Variants in RBFOX1 observed in about 807,000 individuals in gnomAD.
The protein encoded by RBFOX1 is RNA binding fox-1 homolog 1.
Under a neutral mutation model 57.7 loss-of-function variants are expected in RBFOX1, and 8 were observed. The ratio of observed to expected loss-of-function variants is 0.14; its 90% CI spans 0.08 to 0.25. The LOEUF (loss-of-function observed/expected upper bound fraction) is 0.25, where lower values mean the gene tolerates loss of function less well. Among genes scored for constraint, RBFOX1 ranks in the 10% least tolerant of loss-of-function variants. RBFOX1 has a pLI of 1.00. For missense variants in RBFOX1, 611 were observed against 548.5 expected, an observed-to-expected ratio of 1.11 and a Z score of -1.14; for synonymous variants, 326 against 222.4, an observed-to-expected ratio of 1.47 and a Z score of -4.15.
intron 1 of RBFOX1, among the ~76,000 whole-genome samples, chr16:6,215,749 T>C (rs1391729727): frequency 6.6e-6 from 1 of 152,124 alleles, no homozygotes; most frequent in Non-Finnish European, 1.5e-5. Context: ...TGCACACAGC[T>C]CTTCGAAAGC....
intron 4 of RBFOX1, among the ~76,000 whole-genome samples, chr16:7,389,470 C>T (rs989160687): frequency 3.9e-5 from 6 of 152,144 alleles, no homozygotes; most frequent in Non-Finnish European, 5.9e-5. Context: ...GTGCTTGCTT[C>T]CCCTGAAGCC....
rs534219419 is a variant in RBFOX1, at chr16:5,816,798, T to G, written c.319-50505T>G. Among the ~76,000 whole-genome samples, 10 of 152,232 alleles carry G rather than the reference T, an allele frequency of 6.6e-5. No individual in the cohort carries two copies. The South Asian group carries it at 1.7e-3, about 25-fold the overall frequency. On this transcript the variant is annotated intron_variant, in intron 3 of 19. Coordinates refer to the RBFOX1 transcript ENST00000641259. Reference sequence around the variant, plus strand: ...CCCCTGTCTCAAAAAAGAAATTATATAGCCCTAGATCTAGGCTGAAAAAGA... The same window carrying G: ...CCCCTGTCTCAAAAAAGAAATTATAGAGCCCTAGATCTAGGCTGAAAAAGA...
intron 3 of RBFOX1, among the ~76,000 whole-genome samples, chr16:6,886,225 C>G (rs1026631344): frequency 6.6e-6 from 1 of 151,890 alleles, no homozygotes; most frequent in Non-Finnish European, 1.5e-5. Context: ...CCACGCTTAG[C>G]TAATTTTTGT....
At chr16:6,128,649 A>G (rs2096607245) in intron 1 of RBFOX1, among the ~76,000 whole-genome samples, 1 of 152,214 alleles carries the variant, frequency 6.6e-6, no homozygotes, top group Admixed American at 6.5e-5. Flanking sequence ...AAAGAGGAAT[A>G]TGTGCAGGGG....
chr16:6,228,768 T>C lies in RBFOX1; in HGVS notation c.-126-88227T>C, dbSNP rs1025561528. ...AGAAATCATAGTTAGTACCAATGTA[T>C]GGTGCTCTTGAAAATCACCGAGTAG... is the stretch of plus-strand genomic sequence containing the variant. On this transcript the variant is annotated intron_variant, in intron 1 of 15. Transcript: ENST00000550418. 3.3e-5 allele frequency among the ~76,000 whole-genome samples: 5 copies of C among 152,168 alleles called. No homozygotes were observed. In the East Asian group the frequency reaches 9.6e-4, roughly 29 times the overall value.
chr16:6,354,451 C>T (rs572164589), intron 2 of RBFOX1, among the ~76,000 whole-genome samples: 2 of 152,226 alleles, frequency 1.3e-5, no homozygotes, highest in East Asian at 3.9e-4. Flanking sequence ...GCAGCGAAAC[C>T]AGTGTTCCAA....
intron 2 of RBFOX1, among the ~76,000 whole-genome samples, chr16:6,533,812 A>G (rs545148726): frequency 9.2e-5 from 14 of 152,312 alleles, no homozygotes; most frequent in African/African-American, 2.9e-4. Flanking sequence ...TTGAAAACTG[A>G]GCATGGTCAA....
intron 4 of RBFOX1, among the ~76,000 whole-genome samples, chr16:7,418,087 C>A (rs374878296): frequency 6.6e-6 from 1 of 152,100 alleles, no homozygotes; most frequent in African/African-American, 2.4e-5. Flanking sequence ...ACTCTCTGCC[C>A]AACCCTCCAT....
intron 4 of RBFOX1, among the ~76,000 whole-genome samples, chr16:7,246,682 T>A (rs1197141421): frequency 6.8e-6 from 1 of 145,988 alleles, no homozygotes; most frequent in Non-Finnish European, 1.5e-5. Flanking sequence ...AATTATTCCT[T>A]CCCTTTCCTC....
At chr16:7,688,258 T>TGAGAGAGAGA (rs1468088533) in intron 14 of RBFOX1, among the ~76,000 whole-genome samples, 10 of 128,392 alleles carry the variant, frequency 7.8e-5, no homozygotes, top group African/African-American at 3.0e-4. Flanking sequence ...TGTGTGTGTG[T>TGAGAGAGAGA]GTGAGAGAGA....
intron 3 of RBFOX1, among the ~76,000 whole-genome samples, chr16:5,848,968 A>C (rs11647387): frequency 0.26 from 38,505 of 150,140 alleles, 5,159 homozygotes; most frequent in African/African-American, 0.29. Flanking sequence ...AAAAACAAAA[A>C]AACAACAACA....
At chr16:7,027,338 C>G (rs530275467) in intron 3 of RBFOX1, among the ~76,000 whole-genome samples, 5 of 152,284 alleles carry the variant, frequency 3.3e-5, no homozygotes, top group African/African-American at 9.6e-5. Context: ...AATTTTGTCT[C>G]TGTGCCAGGA....
At chr16:7,333,820 C>T (rs57750794) in intron 4 of RBFOX1, among the ~76,000 whole-genome samples, 9,470 of 151,978 alleles carry the variant, frequency 0.062, 902 homozygotes, top group African/African-American at 0.2. Flanking sequence ...TATTGCCTTC[C>T]GCGTTTATGT....
intron 3 of RBFOX1, among the ~76,000 whole-genome samples, chr16:6,919,153 G>A (rs918094399): frequency 1.3e-5 from 2 of 151,846 alleles, no homozygotes; most frequent in Non-Finnish European, 2.9e-5. Context: ...CTAGTTTTTT[G>A]TATTGTTTTT....
intron 1 of RBFOX1, among the ~76,000 whole-genome samples, chr16:6,281,134 T>A (rs570048325): frequency 6.6e-6 from 1 of 151,898 alleles, no homozygotes; most frequent in African/African-American, 2.4e-5. Context: ...TGGGCTAACA[T>A]GTATTGAGCA....
intron 1 of RBFOX1, among the ~76,000 whole-genome samples, chr16:5,430,475 G>C (rs1408673104): frequency 6.6e-6 from 1 of 152,216 alleles, no homozygotes; most frequent in Non-Finnish European, 1.5e-5. Flanking sequence ...AGCTGGAGGA[G>C]GCAGAGCCTG....
chr16:6,913,986 G>T (rs1462973118), intron 3 of RBFOX1, among the ~76,000 whole-genome samples: 2 of 152,282 alleles, frequency 1.3e-5, no homozygotes, highest in African/African-American at 4.8e-5. Flanking sequence ...TGTATACATT[G>T]CACTTGATGA....
At chr16:6,025,885 T>C (rs184397101) in intron 1 of RBFOX1, among the ~76,000 whole-genome samples, 1 of 152,314 alleles carries the variant, frequency 6.6e-6, no homozygotes, top group East Asian at 1.9e-4. Context: ...ACTGCATTAT[T>C]GCCTATTATA....
chr16:6,459,267 C>T (rs536949339), intron 2 of RBFOX1, among the ~76,000 whole-genome samples: 2 of 152,108 alleles, frequency 1.3e-5, no homozygotes, highest in African/African-American at 4.8e-5. Context: ...ACCCGGGAGG[C>T]AGAGGTTGCA....
Sources: allele counts gnomAD v4.1 joint callset (sites outside exome capture counted in the v4.1 genomes callset), GRCh38; gene constraint gnomAD v4.1.1; transcripts MANE v1.5; gene names NCBI Gene and HGNC (gene_info 2026-07-23, HGNC 2026-07-21).